APC: variants seen among roughly 807,000 people sequenced by gnomAD.
APC encodes adenomatous polyposis coli protein.
Under a neutral mutation model 247.0 loss-of-function variants are expected in APC, and 72 were observed. The observed-to-expected ratio is 0.29, with a 90% CI of 0.24 to 0.35. APC has a LOEUF of 0.35. Ranked by LOEUF, APC falls within the 10% of genes least tolerant of loss-of-function variation. The pLI is 1.00. For missense variants in APC, 3,400 were observed against 3,360.7 expected (o/e 1.01, Z -0.29); for synonymous variants, 1,254 against 1,162.5 (o/e 1.08, Z -1.60).
chr5:112,828,002 A>T lies in APC; in HGVS notation c.1622A>T (p.Gln541Leu), dbSNP rs2149814096. 1 of 1,611,906 alleles carries T rather than the reference A, an allele frequency of 6.2e-7. No individual in the cohort carries two copies. The highest frequency in any genetic ancestry group is 1.1e-5 in the South Asian group (1 of 90,992). Residue 541 changes from glutamine to leucine, a missense_variant, in exon 13 of 16, where the codon CAG becomes CTG. By Grantham distance (113) the Gln-to-Leu change is moderately radical. Around this residue, in one of 9 missense-constraint regions of APC, gnomAD observed 184 missense variants for 248.0 expected, o/e 0.74. Transcript: ENST00000257430. ...AQLKSESEDL[Q>L]QVIASVLRNL... ...CTAAAATCTGAAAGTGAAGACTTACAGCAGGTACTATTTAGAATTTCACCT... is the reference window on the plus strand; with the variant it reads ...CTAAAATCTGAAAGTGAAGACTTACTGCAGGTACTATTTAGAATTTCACCT...
At chr5:112,724,039 C>G (rs1490484281) in intron 1 of APC, among the ~76,000 whole-genome samples, 1 of 152,098 alleles carries the variant, frequency 6.6e-6, no homozygotes, top group African/African-American at 2.4e-5. Flanking sequence ...CTTTTAACGG[C>G]TCCCTTTCCC....
At chr5:112,738,070 C>A (rs1212145627) in intron 1 of APC, 145 bp downstream of exon 1, 1 of 513,218 alleles carries the variant, frequency 1.9e-6, no homozygotes, top group Non-Finnish European at 2.5e-6. Flanking sequence ...GCGTCGTCCC[C>A]CCGCCCCCCA....
chr5:112,768,510 C>A (rs1233073693), intron 4 of APC, among the ~76,000 whole-genome samples: 2 of 148,410 alleles, frequency 1.3e-5, no homozygotes, highest in Admixed American at 1.3e-4. Context: ...AAATGAAATA[C>A]TTCTTTTTTT....
chr5:112,841,382 C>T lies in APC; in HGVS notation c.5788C>T (p.Gln1930Ter), dbSNP rs1554086988. 1 of 1,613,612 alleles carries T rather than the reference C, an allele frequency of 6.2e-7. No homozygotes were observed. Among genetic ancestry groups the T allele is most frequent in the Non-Finnish European group, 8.5e-7 (1 of 1,179,598 alleles). The change falls in exon 16 of 16, where the codon CAA becomes TAA. Residue 1930 changes from glutamine (Q) to a stop codon, truncating the protein, a stop_gained. Transcript: ENST00000257430. LOFTEE classifies it high-confidence loss of function. This position sits in a 1 kb window ranked among gnomAD's most constrained non-coding sequence, Gnocchi z 4.6. ...RGQPKPILQK[Q>*]STFPQSSKDI... is the part of the protein sequence containing the mutation. The stretch of plus-strand genomic sequence containing the variant: ...TCAGCCTAAACCCATACTTCAGAAA[C>T]AATCCACTTTTCCCCAGTCATCCAA...
intron 8 of APC, among the ~76,000 whole-genome samples, chr5:112,814,212 T>A (rs888576887): frequency 6.6e-6 from 1 of 152,228 alleles, no homozygotes; most frequent in Non-Finnish European, 1.5e-5. Flanking sequence ...AGTCATTTCC[T>A]TAATTATTAA....
chr5:112,736,670 C>G (rs758778354), upstream of APC, among the ~76,000 whole-genome samples: 4 of 152,164 alleles, frequency 2.6e-5, no homozygotes, highest in Non-Finnish European at 5.9e-5. Context: ...AATCCCAGTA[C>G]TTGGAGGGAC....
intron 1 of APC, among the ~76,000 whole-genome samples, chr5:112,722,460 G>A (rs538299094): frequency 1.3e-3 from 191 of 152,240 alleles, no homozygotes; most frequent in Non-Finnish European, 1.9e-3. Context: ...ACCAATAGTG[G>A]ATGCTAGTTG....
chr5:112,714,319 A>G (rs1042254351), intron 1 of APC, among the ~76,000 whole-genome samples: 1 of 152,232 alleles, frequency 6.6e-6, no homozygotes, highest in African/African-American at 2.4e-5. Flanking sequence ...TTTCAAAAAT[A>G]CCAGTAGTGC....
intron 7 of APC, among the ~76,000 whole-genome samples, chr5:112,798,325 T>C (rs868439712): frequency 1.3e-5 from 2 of 152,214 alleles, no homozygotes; most frequent in Non-Finnish European, 2.9e-5. Context: ...GCCAGAGATA[T>C]AAGTCCATTT....
Position 112,832,685 on chromosome 5 carries a change from C to A in APC, c.1744-2266C>A, listed in dbSNP as rs77232313. On this transcript the variant is annotated intron_variant, in intron 14 of 15. Transcript: ENST00000257430. ...CCCTGCCTTTCCTCATTCTACTTCC[C>A]CTGCCAGCAGCAACTGGATTCTCTT... is the stretch of plus-strand genomic sequence containing the variant. Among the ~76,000 whole-genome samples the A allele has an allele frequency of 3.4e-3, 517 of 152,282 alleles. 1 individual carries two copies. The highest frequency in any genetic ancestry group is 5.9e-3 in the Non-Finnish European group (398 of 68,012).
intron 13 of APC, 92 bp from the exon 14 acceptor site, chr5:112,828,764 A>G (rs1763994317): frequency 3.3e-6 from 3 of 898,852 alleles, no homozygotes; most frequent in Admixed American, 4.0e-5. Context: ...TTCTTTCTTA[A>G]TAGATTTCTA....
intron 4 of APC, among the ~76,000 whole-genome samples, chr5:112,774,027 T>C (rs952658291): frequency 6.6e-6 from 1 of 152,190 alleles, no homozygotes; most frequent in African/African-American, 2.4e-5. Context: ...AAAATTTATA[T>C]ATTCTAGGAA....
chr5:112,833,472 C>T (rs1342795746), intron 14 of APC, among the ~76,000 whole-genome samples: 4 of 151,918 alleles, frequency 2.6e-5, no homozygotes, highest in Admixed American at 2.0e-4. Flanking sequence ...TGAGCCATTG[C>T]GCCTGGCCGC....
chr5:112,833,763 A>G (rs2149836418), intron 14 of APC, among the ~76,000 whole-genome samples: 1 of 152,338 alleles, frequency 6.6e-6, no homozygotes, highest in Admixed American at 6.5e-5. Flanking sequence ...ATTTTAAGAA[A>G]TTATAGCTTT....
rs1554088840 is a variant in APC at position 112,843,619 on chromosome 5, C to T, written c.8025C>T (p.Pro2675=). Residue 2675 remains proline (P), a synonymous_variant, in exon 16 of 16, where the codon CCC becomes CCT. Coordinates refer to ENST00000257430, the MANE Select transcript of APC (RefSeq NM_000038.6). This position sits in a 1 kb window ranked among gnomAD's most constrained non-coding sequence, Gnocchi z 4.8. ...PINNPRSGRS[P]TGNTPPVIDS... ...ACAATCCTAGATCTGGAAGATCTCC[C>T]ACAGGTAATACTCCCCCGGTGATTG... is the stretch of plus-strand genomic sequence containing the variant. 1 of 1,613,720 alleles carries T rather than the reference C, an allele frequency of 6.2e-7. No homozygotes were observed. The highest frequency in any genetic ancestry group is 8.5e-7 in the Non-Finnish European group (1 of 1,179,726).
chr5:112,842,108 G>A lies in APC; in HGVS notation c.6514G>A (p.Glu2172Lys), dbSNP rs864622314. Residue 2172 changes from glutamate (E) to lysine (K), a missense_variant, in exon 16 of 16, where the codon GAG becomes AAG. By Grantham distance (56) the Glu-to-Lys change is moderately conservative (BLOSUM62 1). This residue lies in a region of APC where 1,788 missense variants were observed against 1,649.5 expected (regional missense o/e 1.08). Coordinates refer to ENST00000257430, the MANE Select transcript of APC (RefSeq NM_000038.6). ...NKGPRILKPG[E>K]KSTLETKKIE... ...AGGCCCACGAATTCTAAAACCAGGGGAGAAAAGTACATTGGAAACTAAAAA... is the reference window on the plus strand; with the variant it reads ...AGGCCCACGAATTCTAAAACCAGGGAAGAAAAGTACATTGGAAACTAAAAA... 2 of 1,611,138 alleles carry A rather than the reference G, an allele frequency of 1.2e-6. No individual in the cohort carries two copies. The highest frequency in any genetic ancestry group is 1.7e-6 in the Non-Finnish European group (2 of 1,178,000).
intron 4 of APC, among the ~76,000 whole-genome samples, chr5:112,769,838 G>A (rs909354900): frequency 3.9e-5 from 6 of 151,996 alleles, no homozygotes; most frequent in African/African-American, 1.5e-4. Context: ...ATAAAAATAG[G>A]GATAATTATC....
chr5:112,738,722 C>T (rs78386365), intron 1 of APC, among the ~76,000 whole-genome samples: 1 of 152,064 alleles, frequency 6.6e-6, no homozygotes, highest in Admixed American at 6.6e-5. Context: ...AGCCCATTTA[C>T]AAGAAGCCAT....
intron 1 of APC, among the ~76,000 whole-genome samples, chr5:112,711,756 C>T (rs909606242): frequency 6.6e-6 from 1 of 152,158 alleles, no homozygotes. Flanking sequence ...TGTTTTGGCT[C>T]TTGCAATTGG....
Sources: allele counts gnomAD v4.1 joint callset (sites outside exome capture counted in the v4.1 genomes callset), GRCh38; gene constraint gnomAD v4.1.1; regional missense constraint gnomAD v4.1.1; non-coding constraint Gnocchi (gnomAD v3.1); transcripts MANE v1.5; gene names NCBI Gene and HGNC (gene_info 2026-07-23, HGNC 2026-07-21).